ATP13A2: variants seen among roughly 807,000 people sequenced by gnomAD.
ATP13A2 encodes polyamine-transporting ATPase 13A2.
In ATP13A2, 83 loss-of-function variants were observed where a neutral mutation model predicts 138.3. That is an observed-to-expected ratio of 0.60 (90% CI 0.50 to 0.72). The LOEUF (loss-of-function observed/expected upper bound fraction) is 0.72. ATP13A2 is among the 30% of genes least tolerant of loss of function. The pLI is 0.00. For missense variants in ATP13A2, 1,402 were observed against 1,606.4 expected (o/e 0.87, Z 2.17); for synonymous variants, 663 against 699.0 (o/e 0.95, Z 0.81).
chr1:17,004,574 C>T lies in ATP13A2; in HGVS notation c.477+118G>A. 6.3e-7 allele frequency: 1 copy of T among 1,596,950 alleles called. No individual in the cohort carries two copies. Among genetic ancestry groups the T allele is most frequent in the Non-Finnish European group, 8.6e-7 (1 of 1,168,452 alleles). On this transcript the variant is annotated intron_variant, in intron 5 of 28. Coordinates refer to ENST00000326735, the MANE Select transcript of ATP13A2 (RefSeq NM_022089.4). This position sits in a 1 kb window ranked among gnomAD's most constrained non-coding sequence, Gnocchi z 4.1. Reference sequence around the variant, plus strand: ...AGTGTAAACGTGCTCAGACAGCATCCTGGATGTTTGGGACAACAGAACTAA... The same window carrying T: ...AGTGTAAACGTGCTCAGACAGCATCTTGGATGTTTGGGACAACAGAACTAA...
At chr1:17,003,661 TTTTTC>T (rs1201570036) in intron 6 of ATP13A2, among the ~76,000 whole-genome samples, 1 of 71,836 alleles carries the variant, frequency 1.4e-5, no homozygotes, top group Non-Finnish European at 2.4e-5. Context: ...CTTGTGTTTC[TTTTTC>T]TTTTTTTTTT....
In ATP13A2 at chr1:17,011,919, C is replaced by G. The variant is rs1280467777; in HGVS notation, c.-181G>C. ...ACCTGGGCCACCAGGCTCGGCGCGG[C>G]TCCGACACTGCCGCAGTCCCTCCGT... On this transcript the variant is annotated 5_prime_UTR_variant, in exon 1 of 29. Transcript: ENST00000326735. This position sits in a 1 kb window ranked among gnomAD's most constrained non-coding sequence, Gnocchi z 7.3. The G allele has an allele frequency of 2.5e-6, 1 of 399,142 alleles. No homozygotes were observed. Among genetic ancestry groups the G allele is most frequent in the African/African-American group, 2.2e-5 (1 of 45,896 alleles). 24.7% of individuals were successfully genotyped at this position (399,142 alleles called of 1,614,324 possible).
Position 16,991,748 on chromosome 1 carries a change from G to A in ATP13A2, c.2237C>T (p.Ala746Val). 1 of 1,614,164 alleles carries A rather than the reference G, an allele frequency of 6.2e-7. No individual in the cohort carries two copies. The highest frequency in any genetic ancestry group is 8.5e-7 in the Non-Finnish European group (1 of 1,180,044). The part of the protein sequence containing the change: ...IQALRRTRIR[A>V]VMVTGDNLQT... ...TGCCATTGTACCTGTCACCATGACG[G>A]CGCGGATGCGGGTCCTTCGCAGAGC... The change falls in exon 20 of 29, where the codon GCC becomes GTC. Residue 746 changes from alanine to valine, a missense_variant. By Grantham distance (64) the Ala-to-Val change is moderately conservative. Coordinates refer to ENST00000326735, the MANE Select transcript of ATP13A2 (RefSeq NM_022089.4).
In ATP13A2 at chr1:16,992,430, G is replaced by A. The variant is rs56214748; in HGVS notation, c.1846-28C>T. 5.2e-4 allele frequency: 846 copies of A among 1,613,508 alleles called. 6 individuals are homozygous for A. In the African/African-American group the frequency reaches 0.01, roughly 19 times the overall value. On this transcript the variant is annotated intron_variant, in intron 17 of 28. Coordinates refer to ENST00000326735, the MANE Select transcript of ATP13A2 (RefSeq NM_022089.4). The stretch of plus-strand genomic sequence containing the variant: ...GCAGGGTTGGAGAGGCAGCTGAGGT[G>A]CTGGCTGGGGAGCCCACCCCTCTGC...
chr1:16,998,087 G>A (rs996727667), intron 11 of ATP13A2, among the ~76,000 whole-genome samples: 5 of 152,248 alleles, frequency 3.3e-5, no homozygotes, highest in African/African-American at 1.2e-4. Context: ...CTGCAAGGGA[G>A]TCAGACAATC....
intron 6 of ATP13A2, among the ~76,000 whole-genome samples, chr1:17,002,728 G>A (rs1002111710): frequency 6.6e-6 from 1 of 152,160 alleles, no homozygotes; most frequent in Admixed American, 6.6e-5. Context: ...GCAAAATGGG[G>A]GCAGTGACAG....
In ATP13A2 at chr1:16,995,471, A is replaced by ATT. The variant is rs766448101; in HGVS notation, c.1542+503_1542+504dup. 9.0e-4 allele frequency: 193 copies of ATT among 214,334 alleles called. No individual in the cohort carries two copies. Among genetic ancestry groups the ATT allele is most frequent in the South Asian group, 1.9e-3 (32 of 16,622 alleles). The allele number at this position is 214,334 out of a possible 1,614,324, so 13.3% of individuals were successfully genotyped here. On this transcript the variant is annotated intron_variant, in intron 15 of 28. Transcript: ENST00000326735. This position sits in a 1 kb window ranked among gnomAD's most constrained non-coding sequence, Gnocchi z 4.1. The stretch of plus-strand genomic sequence containing the variant: ...CTAGGGCCCCAGGTCCCCACCAGTA[A>ATT]TTTTTTTTTTTTTTTGAGTTTTGCT...
intron 6 of ATP13A2, among the ~76,000 whole-genome samples, chr1:17,002,922 C>T (rs919823757): frequency 6.6e-6 from 1 of 152,202 alleles, no homozygotes; most frequent in Non-Finnish European, 1.5e-5. Context: ...GACAGCTGGA[C>T]CCTGAAAACA....
rs371344553 is a variant in ATP13A2 at position 16,986,987 on chromosome 1, G to C, written c.3084-31C>G. On this transcript the variant is annotated intron_variant, in intron 26 of 28. Coordinates refer to ENST00000326735, the MANE Select transcript of ATP13A2 (RefSeq NM_022089.4). This position sits in a 1 kb window ranked among gnomAD's most constrained non-coding sequence, Gnocchi z 6.9. ...GGTACAGGGATGGGGGTCAGGGAACGAACGTGGGGTGGACAGGGAAGGGGC... is the reference window on the plus strand; with the variant it reads ...GGTACAGGGATGGGGGTCAGGGAACCAACGTGGGGTGGACAGGGAAGGGGC... 6.2e-7 allele frequency: 1 copy of C among 1,606,932 alleles called. No individual in the cohort carries two copies. The highest frequency in any genetic ancestry group is 8.5e-7 in the Non-Finnish European group (1 of 1,175,240).
At chr1:16,990,343 T>A (rs1290249963) in intron 20 of ATP13A2, 56 bp from the exon 21 acceptor site, 3 of 1,604,420 alleles carry the variant, frequency 1.9e-6, no homozygotes, top group African/African-American at 2.7e-5. Flanking sequence ...GCCATCCTCA[T>A]CCTGATCCTT....
In ATP13A2 at chr1:16,996,224, A is replaced by G. The variant is rs754344600; in HGVS notation, c.1353+30T>C. The G allele has an allele frequency of 6.8e-6, 11 of 1,614,120 alleles. No homozygotes were observed. In the Admixed American group the frequency reaches 1.7e-4, roughly 24 times the overall value. ...TGGTTGGCCCCTGGGCCCTGCTGGC[A>G]GCACCCCCCACCCCACCCCCAAGGC... On this transcript the variant is annotated intron_variant, in intron 14 of 28. Transcript: ENST00000326735.
chr1:17,000,193 T>TGGGGGG, intron 10 of ATP13A2, 51 bp from the exon 11 acceptor site: 17 of 1,545,884 alleles, frequency 1.1e-5, no homozygotes, highest in African/African-American at 2.8e-5. Flanking sequence ...GCCCCAGCCA[T>TGGGGGG]GCCCCCCCAC....
rs768922216 is a variant in ATP13A2 at position 16,986,963 on chromosome 1, G to T, written c.3084-7C>A. On this transcript the variant is annotated splice_polypyrimidine_tract_variant and splice_region_variant and intron_variant, in intron 26 of 28. Transcript: ENST00000326735. The surrounding 1 kb of genome is among the most constrained non-coding windows in gnomAD (Gnocchi z 6.9). ...CCTGTTCAGAGGCACGAACCTGGGG[G>T]TACAGGGATGGGGGTCAGGGAACGA... 2 of 1,613,248 alleles carry T rather than the reference G, an allele frequency of 1.2e-6. No individual in the cohort carries two copies. Among genetic ancestry groups the T allele is most frequent in the African/African-American group, 1.3e-5 (1 of 74,916 alleles).
At position 16,996,715 on chromosome 1, in the gene ATP13A2, G is replaced by T. The variant is rs1239430498; in HGVS notation, c.1196-219C>A. ...GTGGATAGCATCTAAACACTGGGTG[G>T]TTCCACTGAAAATCCAGACACAGGG... is the stretch of plus-strand genomic sequence containing the variant. On this transcript the variant is annotated intron_variant, in intron 12 of 28. Transcript: ENST00000326735. The T allele has an allele frequency of 1.6e-5, 10 of 617,880 alleles. No individual in the cohort carries two copies. The Admixed American group carries it at 2.3e-4, about 14-fold the overall frequency. The allele number at this position is 617,880 out of a possible 1,614,324, so 38.3% of individuals were successfully genotyped here.
intron 16 of ATP13A2, among the ~76,000 whole-genome samples, chr1:16,993,106 G>A (rs1320953784): frequency 2.0e-5 from 3 of 152,128 alleles, no homozygotes; most frequent in Non-Finnish European, 2.9e-5. Flanking sequence ...TATTACAGAC[G>A]GGGTTTCACT....
intron 23 of ATP13A2, among the ~76,000 whole-genome samples, chr1:16,989,234 C>T (rs764835990): frequency 1.1e-4 from 16 of 152,250 alleles, no homozygotes; most frequent in Middle Eastern, 3.4e-3. Flanking sequence ...TTTTTTGAGA[C>T]GGAGTCTCGC....
At chr1:17,005,218 C>G in intron 3 of ATP13A2, 146 bp from the exon 4 acceptor site, 1 of 1,447,100 alleles carries the variant, frequency 6.9e-7, no homozygotes. Flanking sequence ...TCCCTTCTGC[C>G]CAATGCTCAG....
At chr1:17,003,650 G>A (rs2077445695) in intron 6 of ATP13A2, among the ~76,000 whole-genome samples, 2 of 137,076 alleles carry the variant, frequency 1.5e-5, no homozygotes, top group South Asian at 4.9e-4. Context: ...TGTGTGGTGA[G>A]CTTGTGTTTC....
Position 16,986,340 on chromosome 1 carries a change from G to A in ATP13A2, c.3424C>T (p.Leu1142Phe), listed in dbSNP as rs1314771776. Residue 1142 changes from leucine (L) to phenylalanine (F), a missense_variant, in exon 29 of 29, where the codon CTC becomes TTC. Physicochemically the swap from Leu to Phe is conservative, Grantham distance 22. Transcript: ENST00000326735. This position sits in a 1 kb window ranked among gnomAD's most constrained non-coding sequence, Gnocchi z 6.9. ...CGGAGGCGGCGCAGGCAGGCGGGGA[G>A]GCACTGGTCTAGCACGCTCTGCAAA... Reference protein sequence around the residue: ...FMLESVLDQCLPACLRRLRPK... With the variant: ...FMLESVLDQCFPACLRRLRPK... 6.3e-7 allele frequency: 1 copy of A among 1,579,786 alleles called. No homozygotes were observed. Among genetic ancestry groups the A allele is most frequent in the Admixed American group, 1.9e-5 (1 of 53,952 alleles).
Sources: gnomAD v4.1 joint callset for allele counts (sites outside exome capture counted in the v4.1 genomes callset) on GRCh38, gnomAD v4.1.1 for gene constraint, Gnocchi (gnomAD v3.1) non-coding constraint, MANE v1.5 for transcripts, NCBI Gene and HGNC (gene_info 2026-07-23, HGNC 2026-07-21) for gene names.